The following TSPAN1 variants were observed in gnomAD, a reference collection of about 807,000 sequenced individuals.
TSPAN1 encodes the protein tetraspanin-1.
A neutral mutation model predicts 26.9 loss-of-function variants in TSPAN1; 23 were observed. The ratio of observed to expected loss-of-function variants is 0.85; its 90% CI spans 0.62 to 1.21. The LOEUF (loss-of-function observed/expected upper bound fraction) is 1.21. Ranked by LOEUF, TSPAN1 falls within the 50% of genes most tolerant of loss-of-function variation. TSPAN1 has a pLI of 0.00. For missense variants in TSPAN1, 283 were observed against 298.4 expected, an observed-to-expected ratio of 0.95 and a Z score of 0.38; for synonymous variants, 115 against 114.8, an observed-to-expected ratio of 1.00 and a Z score of -0.01.
the TSPAN1 span, chr1:46,195,036 G>C: frequency 7.6e-7 from 1 of 1,315,168 alleles, no homozygotes; most frequent in Non-Finnish European, 1.1e-6. Flanking sequence ...CACGAACTAT[G>C]TAGCAACCTT....
chr1:46,193,089 G>C, the TSPAN1 span: 1 of 1,606,104 alleles, frequency 6.2e-7, no homozygotes, highest in East Asian at 2.2e-5. Flanking sequence ...CCCAGTGAGG[G>C]GAAGAGCTTG....
the TSPAN1 span, chr1:46,193,787 C>G: frequency 6.2e-7 from 1 of 1,605,628 alleles, no homozygotes; most frequent in Non-Finnish European, 8.5e-7. Context: ...CTCAAGAGTT[C>G]CTCCTGGAGG....
At chr1:46,176,368 A>G in intron 1 of TSPAN1, 1 of 1,535,700 alleles carries the variant, frequency 6.5e-7, no homozygotes, top group Non-Finnish European at 8.7e-7. Flanking sequence ...GCTACACTTG[A>G]ACATCCTGGG....
chr1:46,195,811 C>G, the TSPAN1 span: 1 of 1,589,060 alleles, frequency 6.3e-7, no homozygotes, highest in Non-Finnish European at 8.6e-7. Flanking sequence ...AATAACTGAC[C>G]TTGACAGTGC....
chr1:46,196,219 T>C, the TSPAN1 span: 1 of 1,515,716 alleles, frequency 6.6e-7, no homozygotes, highest in Non-Finnish European at 8.9e-7. This position sits in a 1 kb window ranked among gnomAD's most constrained non-coding sequence, Gnocchi z 4.4. Flanking sequence ...CCAACTCAGC[T>C]CGAAGGCCAC....
the TSPAN1 span, chr1:46,194,606 G>T: frequency 6.2e-7 from 1 of 1,614,210 alleles, no homozygotes. Context: ...GTCCCCCCAG[G>T]AAGAGAGGGC....
At chr1:46,192,254 G>C in the TSPAN1 span, 2 of 1,614,186 alleles carry the variant, frequency 1.2e-6, no homozygotes, top group Non-Finnish European at 1.7e-6. Flanking sequence ...TGAAGGTTAA[G>C]ATGTTTCGAG....
chr1:46,182,303 G>GAAAAAAAAAAAAAAAAAAAA (rs1557664937), intron 3 of TSPAN1, among the ~76,000 whole-genome samples: 1 of 2,414 alleles, frequency 4.1e-4, no homozygotes, highest in Non-Finnish European at 0.01. Context: ...TTAGGGATAA[G>GAAAAAAAAAAAAAAAAAAAA]CAAAAAAAAA....
Position 46,180,005 on chromosome 1 carries a change from GTGAA to G in TSPAN1, c.-141-520_-141-517del, listed in dbSNP as rs1188849128. Among the ~76,000 whole-genome samples the G allele has an allele frequency of 7.9e-5, 12 of 151,710 alleles. 1 individual carries two copies. In the East Asian group the frequency reaches 2.3e-3, roughly 29 times the overall value. ...TGTGTGTGTTTGTGTGTGTGTGTGA[GTGAA>G]AGAGATACTTAAGTACGTACATCAG... On this transcript the variant is annotated intron_variant, in intron 1 of 8. Coordinates refer to ENST00000372003, the MANE Select transcript of TSPAN1 (RefSeq NM_005727.4).
At chr1:46,194,172 C>T in the TSPAN1 span, 1 of 1,602,644 alleles carries the variant, frequency 6.2e-7, no homozygotes, top group African/African-American at 1.3e-5. Flanking sequence ...CCCTGGTTCT[C>T]TCCCAGGCTC....
intron 1 of TSPAN1, among the ~76,000 whole-genome samples, chr1:46,179,482 A>C (rs1163585949): frequency 6.6e-6 from 1 of 152,182 alleles, no homozygotes; most frequent in African/African-American, 2.4e-5. Flanking sequence ...ACAGAAGACC[A>C]GGAAAGAGAA....
chr1:46,193,082 A>G, the TSPAN1 span: 2 of 1,604,694 alleles, frequency 1.2e-6, no homozygotes, highest in Middle Eastern at 1.7e-4. Context: ...GATGAGGCCC[A>G]GTGAGGGGAA....
chr1:46,195,850 G>A, the TSPAN1 span: 1 of 1,611,634 alleles, frequency 6.2e-7, no homozygotes, highest in Non-Finnish European at 8.5e-7. Context: ...GCGCTACCAT[G>A]TTGAGGAATA....
chr1:46,189,546 C>T, downstream of TSPAN1: 1 of 1,612,496 alleles, frequency 6.2e-7, no homozygotes. Flanking sequence ...CCACGCACAT[C>T]CAGGTCCCAG....
At chr1:46,184,108 G>A (rs1051730595) in intron 3 of TSPAN1, 83 bp from the exon 4 acceptor site, 13 of 1,454,602 alleles carry the variant, frequency 8.9e-6, no homozygotes, top group Non-Finnish European at 1.3e-5. Flanking sequence ...AAGTTTCTCG[G>A]CTCCCATCCT....
In TSPAN1 at chr1:46,185,588, C is replaced by A. The variant is rs890342859; in HGVS notation, c.*55C>A. ...CCACATGGGAACTGTGAAGAGGCAC[C>A]CTGGCAAGCAGCAGTGATTGGGGGA... On this transcript the variant is annotated 3_prime_UTR_variant, in exon 9 of 9. Transcript: ENST00000372003. 8 of 1,588,910 alleles carry A rather than the reference C, an allele frequency of 5.0e-6. No homozygotes were observed. The African/African-American group carries it at 9.4e-5, about 19-fold the overall frequency.
chr1:46,190,490 T>G (rs149482430), downstream of TSPAN1: 7 of 1,606,646 alleles, frequency 4.4e-6, no homozygotes, highest in Middle Eastern at 1.6e-4. Flanking sequence ...GCCTGTGAAC[T>G]TCCACTTCAT....
intron 2 of TSPAN1, 44 bp from the exon 3 acceptor site, chr1:46,181,056 C>T: frequency 3.8e-6 from 6 of 1,589,462 alleles, no homozygotes; most frequent in Middle Eastern, 3.7e-4. Flanking sequence ...CCCAGGTGGG[C>T]CCAGGGGAAA....
Position 46,185,225 on chromosome 1 carries a change from G to C in TSPAN1, c.595G>C (p.Gly199Arg), listed in dbSNP as rs927976446. 1 of 1,614,072 alleles carries C rather than the reference G, an allele frequency of 6.2e-7. No homozygotes were observed. Residue 199 changes from glycine (G) to arginine (R), a missense_variant and splice_region_variant, in exon 8 of 9, where the codon GGT becomes CGT. By Grantham distance (125) the Gly-to-Arg change is moderately radical (BLOSUM62 -2). Transcript: ENST00000372003. ...TAAATGCTCTTTTCTCTTCCTGAAGGGTTGCTTCAATCAGCTTTTGTATGA... is the reference window on the plus strand; with the variant it reads ...TAAATGCTCTTTTCTCTTCCTGAAGCGTTGCTTCAATCAGCTTTTGTATGA... ...KQKAHDQKVE[G>R]CFNQLLYDIR...
Sources: gnomAD v4.1 joint callset for allele counts (sites outside exome capture counted in the v4.1 genomes callset) on GRCh38, gnomAD v4.1.1 for gene constraint, Gnocchi (gnomAD v3.1) non-coding constraint, MANE v1.5 for transcripts, NCBI Gene and HGNC (gene_info 2026-07-23, HGNC 2026-07-21) for gene names.